HIPK2: variants seen among roughly 807,000 people sequenced by gnomAD.
The protein encoded by HIPK2 is homeodomain interacting protein kinase 2, also known as homeodomain-interacting protein kinase 2.
A neutral mutation model predicts 113.7 loss-of-function variants in HIPK2; 27 were observed. That is an observed-to-expected ratio of 0.24 (90% confidence interval 0.17 to 0.33). The LOEUF (loss-of-function observed/expected upper bound fraction) is 0.33, where lower values mean the gene tolerates loss of function less well. Ranked by LOEUF, HIPK2 falls within the 10% of genes least tolerant of loss-of-function variation. The pLI is 1.00. For missense variants in HIPK2, 1,257 were observed against 1,588.0 expected, an observed-to-expected ratio of 0.79 and a Z score of 3.54; for synonymous variants, 631 against 642.2, an observed-to-expected ratio of 0.98 and a Z score of 0.26.
chr7:139,613,090 A>C lies in HIPK2; in HGVS notation c.2112+112T>G. On this transcript the variant is annotated intron_variant, in intron 9 of 14. Transcript: ENST00000406875. The surrounding 1 kb of genome is among the most constrained non-coding windows in gnomAD (Gnocchi z 4.2). ...ATATTACAGATACATTCCAATGACT[A>C]GAAGCACCTAACTCATTACTAGGGA... The C allele has an allele frequency of 7.9e-7, 1 of 1,265,778 alleles. No homozygotes were observed. Among genetic ancestry groups the C allele is most frequent in the Non-Finnish European group, 1.1e-6 (1 of 913,698 alleles). 78.4% of individuals were successfully genotyped at this position (1,265,778 alleles called of 1,614,324 possible).
chr7:139,698,013 C>T (rs956434218), intron 2 of HIPK2, among the ~76,000 whole-genome samples: 9 of 152,064 alleles, frequency 5.9e-5, no homozygotes, highest in African/African-American at 1.7e-4. Flanking sequence ...CAGGTGCACG[C>T]CACCACGCCT....
chr7:139,737,379 TG>T (rs1339932483), intron 1 of HIPK2, among the ~76,000 whole-genome samples: 12 of 152,178 alleles, frequency 7.9e-5, no homozygotes, highest in African/African-American at 2.7e-4. Context: ...TCTATGGAAG[TG>T]AAGTCAGTGA....
chr7:139,675,467 G>A (rs1350830345), intron 2 of HIPK2, among the ~76,000 whole-genome samples: 2 of 152,148 alleles, frequency 1.3e-5, no homozygotes, highest in African/African-American at 2.4e-5. Context: ...TCACTTTGCT[G>A]CCAGTGACTC....
chr7:139,610,922 C>A (rs1363895877), intron 9 of HIPK2, among the ~76,000 whole-genome samples: 1 of 152,218 alleles, frequency 6.6e-6, no homozygotes, highest in Non-Finnish European at 1.5e-5. Flanking sequence ...CCAATCAGAT[C>A]GAGCTGTGGC....
In HIPK2 at chr7:139,667,751, A is replaced by G. The variant is rs539309625; in HGVS notation, c.1104-36026T>C. On this transcript the variant is annotated intron_variant, in intron 2 of 14. Coordinates refer to ENST00000406875, the MANE Select transcript of HIPK2 (RefSeq NM_022740.5). ...TTGGTTAATTTCCTTTATACATTAG[A>G]ACAATCTAGTTTCATAGGTGTTAAG... Among the ~76,000 whole-genome samples the G allele has an allele frequency of 1.5e-3, 227 of 152,360 alleles. 1 individual carries two copies. The highest frequency in any genetic ancestry group is 2.4e-3 in the Non-Finnish European group (166 of 68,038).
chr7:139,767,348 G>C (rs1412814250), intron 1 of HIPK2, among the ~76,000 whole-genome samples: 1 of 152,236 alleles, frequency 6.6e-6, no homozygotes, highest in African/African-American at 2.4e-5. Flanking sequence ...AGAAGGTTCT[G>C]TGTGTACATC....
At chr7:139,595,977 G>A (rs1484964682) in intron 12 of HIPK2, among the ~76,000 whole-genome samples, 1 of 152,196 alleles carries the variant, frequency 6.6e-6, no homozygotes, top group Non-Finnish European at 1.5e-5. Context: ...GGGGCCATGA[G>A]ATTTTGGGCT....
At chr7:139,601,999 C>T (rs937733856) in intron 10 of HIPK2, among the ~76,000 whole-genome samples, 1 of 139,568 alleles carries the variant, frequency 7.2e-6, no homozygotes, top group African/African-American at 2.7e-5. Context: ...GTTGCCCAGG[C>T]TGGAGTGCAG....
chr7:139,606,118 C>A (rs561018594), intron 9 of HIPK2, among the ~76,000 whole-genome samples: 17 of 152,306 alleles, frequency 1.1e-4, no homozygotes, highest in Non-Finnish European at 1.9e-4. Context: ...TGACTTATTT[C>A]ACTGATTGAT....
intron 2 of HIPK2, among the ~76,000 whole-genome samples, chr7:139,640,721 T>C (rs879395234): frequency 1.1e-4 from 17 of 151,994 alleles, no homozygotes; most frequent in Non-Finnish European, 1.8e-4. Context: ...ACAATCTTGG[T>C]TGACCGCACC....
intron 2 of HIPK2, among the ~76,000 whole-genome samples, chr7:139,635,362 T>TA (rs1485966630): frequency 6.6e-6 from 1 of 152,318 alleles, no homozygotes; most frequent in Non-Finnish European, 1.5e-5. Context: ...TCAGGTTAGT[T>TA]ACGTGGTTCT....
At chr7:139,670,680 GC>G (rs1802234939) in intron 2 of HIPK2, among the ~76,000 whole-genome samples, 1 of 151,242 alleles carries the variant, frequency 6.6e-6, no homozygotes, top group Non-Finnish European at 1.5e-5. Context: ...GAGGTGTGTA[GC>G]TACCACCTTT....
In HIPK2 at chr7:139,604,183, G is replaced by C. The variant is rs755971499; in HGVS notation, c.2153C>G (p.Pro718Arg). ...CACTCCAGTCAGTTGCTGCCATGCT[G>C]GGGGAAGCAGGATCTGCTGGGTCCC... The part of the protein sequence containing the change: ...PSGTQQILLP[P>R]AWQQLTGVAT... Residue 718 changes from proline (P) to arginine (R), a missense_variant, in exon 10 of 15, where the codon CCA (proline) becomes CGA (arginine). This residue lies in a region of HIPK2 where 862 missense variants were observed against 1,004.3 expected (regional missense o/e 0.86). Transcript: ENST00000406875. 5.6e-6 allele frequency: 9 copies of C among 1,613,572 alleles called. No homozygotes were observed. Among genetic ancestry groups the C allele is most frequent in the Non-Finnish European group, 7.6e-6 (9 of 1,179,720 alleles).
chr7:139,588,489 C>T (rs1203087050), intron 12 of HIPK2, among the ~76,000 whole-genome samples: 4 of 145,394 alleles, frequency 2.8e-5, no homozygotes, highest in Admixed American at 2.1e-4. Flanking sequence ...ACAATCCAGT[C>T]GGGGTGACAC....
In HIPK2 at chr7:139,570,037, C is replaced by T. The variant is rs1798212040; in HGVS notation, c.*2890G>A. ...GTAAGTAGCCTCCAACTTAAGCAGA[C>T]AGAATAATTTTCTTTAAAATGAAAA... is the stretch of plus-strand genomic sequence containing the variant. On this transcript the variant is annotated 3_prime_UTR_variant, in exon 15 of 15. Transcript: ENST00000406875. 1 of 152,088 alleles carries T rather than the reference C, an allele frequency of 6.6e-6. No homozygotes were observed. Among genetic ancestry groups the T allele is most frequent in the African/African-American group, 2.4e-5 (1 of 41,392 alleles). 9.4% of individuals were successfully genotyped at this position (152,088 alleles called of 1,614,324 possible).
intron 6 of HIPK2, among the ~76,000 whole-genome samples, chr7:139,621,952 A>T (rs1255916559): frequency 6.7e-6 from 1 of 148,880 alleles, no homozygotes; most frequent in African/African-American, 2.6e-5. Flanking sequence ...AAATTAAAAG[A>T]AAAAGAAAAA....
chr7:139,646,204 G>T (rs549090634), intron 2 of HIPK2, among the ~76,000 whole-genome samples: 2 of 152,240 alleles, frequency 1.3e-5, no homozygotes, highest in East Asian at 3.9e-4. Context: ...GGGAACAAAC[G>T]GTTCCCTTAA....
Position 139,777,722 on chromosome 7 carries a change from G to T in HIPK2, c.-99C>A. Reference sequence around the variant, plus strand: ...AGTCGGAATCTGCCATCTTGAGCCTGTGTCTCCGCTCTCGGCGCAGCCGAG... The same window carrying T: ...AGTCGGAATCTGCCATCTTGAGCCTTTGTCTCCGCTCTCGGCGCAGCCGAG... On this transcript the variant is annotated 5_prime_UTR_variant, in exon 1 of 15. Transcript: ENST00000406875. The T allele has an allele frequency of 9.7e-7, 1 of 1,027,964 alleles. No homozygotes were observed. Among genetic ancestry groups the T allele is most frequent in the Non-Finnish European group, 1.2e-6 (1 of 853,568 alleles). The allele number at this position is 1,027,964 out of a possible 1,614,324, so 63.7% of individuals were successfully genotyped here.
chr7:139,593,947 C>T lies in HIPK2; in HGVS notation c.2717+2770G>A, dbSNP rs527642691. On this transcript the variant is annotated intron_variant, in intron 12 of 14. Coordinates refer to ENST00000406875, the MANE Select transcript of HIPK2 (RefSeq NM_022740.5). ...TGTTTTCCCAGGACTGATGCTTCCC[C>T]TTGAGCCCCTCAGTATCTCCTGACA... 1.8e-4 allele frequency among the ~76,000 whole-genome samples: 28 copies of T among 152,288 alleles called. No individual in the cohort carries two copies. In the South Asian group the frequency reaches 5.8e-3, roughly 32 times the overall value.
Sources: gnomAD v4.1 joint callset for allele counts (sites outside exome capture counted in the v4.1 genomes callset) on GRCh38, gnomAD v4.1.1 for gene constraint, gnomAD v4.1.1 regional missense constraint, Gnocchi (gnomAD v3.1) non-coding constraint, MANE v1.5 for transcripts, NCBI Gene and HGNC (gene_info 2026-07-23, HGNC 2026-07-21) for gene names.